SLCO2B1: variants seen among roughly 807,000 people sequenced by gnomAD.
SLCO2B1 encodes the protein OATP-RP2.
A neutral mutation model predicts 67.3 loss-of-function variants in SLCO2B1; 41 were observed. That is an observed-to-expected ratio of 0.61 (90% CI 0.47 to 0.79). The LOEUF is 0.79. Among genes scored for constraint, SLCO2B1 ranks in the 30% least tolerant of loss-of-function variants. SLCO2B1 has a pLI of 0.00. For missense variants in SLCO2B1, 837 were observed against 920.1 expected, an observed-to-expected ratio of 0.91 and a Z score of 1.17; for synonymous variants, 379 against 381.4, an observed-to-expected ratio of 0.99 and a Z score of 0.07.
At chr11:75,202,717 G>A (rs982996934) in intron 11 of SLCO2B1, 184 bp from the exon 12 acceptor site, 2 of 624,130 alleles carry the variant, frequency 3.2e-6, no homozygotes, top group Non-Finnish European at 5.7e-6. Flanking sequence ...ATGGGACCAG[G>A]CTCTGCAGGT....
At chr11:75,155,986 G>A (rs536759059) in intron 1 of SLCO2B1, among the ~76,000 whole-genome samples, 15 of 152,262 alleles carry the variant, frequency 9.9e-5, no homozygotes, top group Non-Finnish European at 1.3e-4. Context: ...CTGTACTCAC[G>A]GTTTGCAGAC....
chr11:75,166,100 C>A, intron 4 of SLCO2B1, 151 bp downstream of exon 4: 1 of 942,446 alleles, frequency 1.1e-6, no homozygotes, highest in Non-Finnish European at 1.5e-6. Flanking sequence ...CCTGGCTCCC[C>A]AGGCCCCAGC....
chr11:75,161,570 A>G (rs549449216), intron 1 of SLCO2B1, among the ~76,000 whole-genome samples: 1 of 152,288 alleles, frequency 6.6e-6, no homozygotes, highest in African/African-American at 2.4e-5. Context: ...CCCTGGAGAT[A>G]GAGTGAGAGT....
intron 2 of SLCO2B1, among the ~76,000 whole-genome samples, chr11:75,163,109 G>T (rs1016569731): frequency 2.0e-5 from 3 of 152,116 alleles, no homozygotes; most frequent in African/African-American, 7.2e-5. Flanking sequence ...GATACTGGGA[G>T]TCCTAGCTCC....
chr11:75,154,306 C>T (rs1220404495), intron 1 of SLCO2B1, among the ~76,000 whole-genome samples: 1 of 151,342 alleles, frequency 6.6e-6, no homozygotes, highest in Non-Finnish European at 1.5e-5. Context: ...GCCTGACCAA[C>T]ATGGTGAAAC....
intron 7 of SLCO2B1, among the ~76,000 whole-genome samples, chr11:75,187,703 C>T (rs761721143): frequency 6.6e-6 from 1 of 151,994 alleles, no homozygotes; most frequent in African/African-American, 2.4e-5. Context: ...ACAGAGACAA[C>T]AATAACAATC....
intron 8 of SLCO2B1, among the ~76,000 whole-genome samples, chr11:75,189,963 A>G (rs1368626687): frequency 4.5e-5 from 5 of 110,190 alleles, no homozygotes; most frequent in Non-Finnish European, 6.9e-5. Flanking sequence ...CCCTGTCTGG[A>G]AAAAAAAAAA....
intron 7 of SLCO2B1, among the ~76,000 whole-genome samples, chr11:75,184,825 C>A (rs1950130267): frequency 6.6e-6 from 1 of 152,006 alleles, no homozygotes; most frequent in Non-Finnish European, 1.5e-5. Context: ...AGATGGTATT[C>A]TTTTCCTCTC....
chr11:75,177,427 G>A (rs1354033114), intron 7 of SLCO2B1, among the ~76,000 whole-genome samples: 1 of 152,174 alleles, frequency 6.6e-6, no homozygotes, highest in Non-Finnish European at 1.5e-5. Context: ...ATCCTGCAGT[G>A]GCAGGGACAG....
intron 10 of SLCO2B1, chr11:75,199,930 G>C: frequency 2.3e-6 from 1 of 432,654 alleles, no homozygotes; most frequent in Non-Finnish European, 4.1e-6. Context: ...TGTAGAATGT[G>C]GGGGAATGAT....
chr11:75,181,531 C>T (rs998347593), intron 7 of SLCO2B1, among the ~76,000 whole-genome samples: 5 of 152,188 alleles, frequency 3.3e-5, no homozygotes, highest in Middle Eastern at 3.4e-3. Context: ...TGAAGGAACC[C>T]GAGGCTGGCA....
At chr11:75,184,443 T>A (rs1177880026) in intron 7 of SLCO2B1, among the ~76,000 whole-genome samples, 2 of 152,186 alleles carry the variant, frequency 1.3e-5, no homozygotes, top group African/African-American at 4.8e-5. Flanking sequence ...TGCCAGATCA[T>A]CAAGAAATTC....
chr11:75,161,806 C>G (rs1447029897), intron 1 of SLCO2B1, among the ~76,000 whole-genome samples: 1 of 152,134 alleles, frequency 6.6e-6, no homozygotes, highest in African/African-American at 2.4e-5. Flanking sequence ...CTTCTGGGCT[C>G]CCCACTGAGA....
At position 75,202,948 on chromosome 11, in the gene SLCO2B1, T is replaced by A; in HGVS notation, c.1811T>A (p.Met604Lys). ...ACTTTGGCTGTGGGCATCCAGTTCA[T>A]GTTCCTGAGGATTTTGGGTAAAGAT... ...DKTLAVGIQF[M>K]FLRILAWMPS... Residue 604 changes from methionine (M) to lysine (K), a missense_variant, in exon 12 of 14, where the codon ATG (methionine) becomes AAG (lysine). Coordinates refer to ENST00000289575, the MANE Select transcript of SLCO2B1 (RefSeq NM_007256.5). The A allele has an allele frequency of 6.2e-7, 1 of 1,613,950 alleles. No homozygotes were observed. The highest frequency in any genetic ancestry group is 1.1e-5 in the South Asian group (1 of 91,068).
intron 11 of SLCO2B1, chr11:75,202,358 G>A (rs930190443): frequency 1.5e-4 from 24 of 154,912 alleles, no homozygotes; most frequent in Admixed American, 6.3e-5. Flanking sequence ...ATGAGATCTT[G>A]GCCAAGTTAT....
At chr11:75,174,035 C>A (rs1370404966) in intron 7 of SLCO2B1, among the ~76,000 whole-genome samples, 1 of 152,164 alleles carries the variant, frequency 6.6e-6, no homozygotes, top group Non-Finnish European at 1.5e-5. Context: ...CCCCTAACCT[C>A]AGGTGATCTG....
Position 75,172,545 on chromosome 11 carries a change from A to G in SLCO2B1, c.948A>G (p.Ala316=). The G allele has an allele frequency of 6.2e-7, 1 of 1,614,086 alleles. No homozygotes were observed. Among genetic ancestry groups the G allele is most frequent in the Non-Finnish European group, 8.5e-7 (1 of 1,179,954 alleles). Reference sequence around the variant, plus strand: ...TTCAGTTTCGGCGAAAGGTCTTAGCAGTCACAGACTCACCTGCCAGGAAGG... The same window carrying G: ...TTCAGTTTCGGCGAAAGGTCTTAGCGGTCACAGACTCACCTGCCAGGAAGG... ...RELQFRRKVL[A]VTDSPARKGK... Residue 316 remains alanine (A), a synonymous_variant, in exon 7 of 14, where the codon GCA becomes GCG. Transcript: ENST00000289575.
At chr11:75,190,619 A>T (rs1361316682) in intron 8 of SLCO2B1, among the ~76,000 whole-genome samples, 1 of 152,146 alleles carries the variant, frequency 6.6e-6, no homozygotes, top group East Asian at 1.9e-4. Context: ...TCTGTGATGG[A>T]GAAGGCCCCT....
At chr11:75,166,057 A>C in intron 4 of SLCO2B1, 108 bp downstream of exon 4, 1 of 1,341,716 alleles carries the variant, frequency 7.5e-7, no homozygotes, top group Non-Finnish European at 1.0e-6. Flanking sequence ...CCAAAACCTC[A>C]ACACCCCAGG....
Sources: gnomAD v4.1 joint callset for allele counts (sites outside exome capture counted in the v4.1 genomes callset) on GRCh38, gnomAD v4.1.1 for gene constraint, MANE v1.5 for transcripts, NCBI Gene and HGNC (gene_info 2026-07-23, HGNC 2026-07-21) for gene names.